TENM3: variants seen among roughly 807,000 people sequenced by gnomAD.
TENM3 encodes the protein teneurin transmembrane protein 3.
Under a neutral mutation model 255.1 loss-of-function variants are expected in TENM3, and 63 were observed. That is an observed-to-expected ratio of 0.25 (90% CI 0.20 to 0.30). TENM3 has a LOEUF of 0.30. TENM3 is among the 10% of genes least tolerant of loss of function. The probability of loss-of-function intolerance (pLI) is 1.00; values close to 1 mark genes in which losing one functional copy is unlikely to be tolerated. For synonymous variants in TENM3, 1,306 were observed against 1,322.3 expected, an observed-to-expected ratio of 0.99 and a Z score of 0.27; for missense variants, 2,929 against 3,461.1, an observed-to-expected ratio of 0.85 and a Z score of 3.86.
the TENM3 span, among the ~76,000 whole-genome samples, chr4:181,567,588 C>G: frequency 3.1e-3 from 465 of 152,258 alleles, 2 homozygotes; most frequent in African/African-American, 0.011. Context: ...GACCTTAGGG[C>G]TAAATAAACA....
chr4:181,852,969 A>T, the TENM3 span, among the ~76,000 whole-genome samples: 3 of 152,238 alleles, frequency 2.0e-5, no homozygotes, highest in Non-Finnish European at 4.4e-5. Flanking sequence ...AGAATAAATA[A>T]TAAAAGCCAG....
chr4:182,390,838 A>T (rs543236642), intron 3 of TENM3, among the ~76,000 whole-genome samples: 1 of 152,096 alleles, frequency 6.6e-6, no homozygotes, highest in Non-Finnish European at 1.5e-5. Flanking sequence ...TGATACTTAC[A>T]TGTCCCACTT....
At chr4:181,501,189 G>T in the TENM3 span, among the ~76,000 whole-genome samples, 1 of 152,124 alleles carries the variant, frequency 6.6e-6, no homozygotes, top group Admixed American at 6.5e-5. Context: ...CCTTGCTGGT[G>T]GTGGCGGGTG....
the TENM3 span, among the ~76,000 whole-genome samples, chr4:182,095,879 AAAAG>A: frequency 2.9e-5 from 4 of 138,574 alleles, no homozygotes; most frequent in Admixed American, 2.1e-4. Flanking sequence ...TAAAAATTAA[AAAAG>A]AAAGAGATCA....
chr4:182,323,223 C>T (rs949065526), intron 1 of TENM3, among the ~76,000 whole-genome samples: 6 of 152,048 alleles, frequency 3.9e-5, no homozygotes, highest in Non-Finnish European at 5.9e-5. Flanking sequence ...GCAGGAAACT[C>T]CCCCCATCAA....
intron 5 of TENM3, among the ~76,000 whole-genome samples, chr4:182,631,134 T>C (rs1191447648): frequency 6.6e-6 from 1 of 152,174 alleles, no homozygotes; most frequent in Non-Finnish European, 1.5e-5. Context: ...TTCCTACTAG[T>C]ACCATGGTCA....
At chr4:182,598,844 A>G (rs1030542303) in intron 3 of TENM3, among the ~76,000 whole-genome samples, 1 of 152,228 alleles carries the variant, frequency 6.6e-6, no homozygotes, top group African/African-American at 2.4e-5. Context: ...GAGGCTTACT[A>G]TCATGATGTC....
At chr4:181,699,469 A>AAAAAAAAAAAAAAAAAAAAG in the TENM3 span, among the ~76,000 whole-genome samples, 1 of 143,814 alleles carries the variant, frequency 7.0e-6, no homozygotes, top group Admixed American at 7.1e-5. Context: ...AAAAAAAAAA[A>AAAAAAAAAAAAAAAAAAAAG]AAAGAAAGAA....
At chr4:182,622,002 G>A (rs1318232953) in intron 4 of TENM3, among the ~76,000 whole-genome samples, 1 of 150,912 alleles carries the variant, frequency 6.6e-6, no homozygotes, top group East Asian at 1.9e-4. Context: ...TCACAAAGAT[G>A]TGATTTTAGA....
chr4:181,551,755 A>C, the TENM3 span, among the ~76,000 whole-genome samples: 4 of 151,560 alleles, frequency 2.6e-5, no homozygotes, highest in African/African-American at 9.7e-5. Flanking sequence ...TTTGAACCAG[A>C]ATTGCTGAGG....
At chr4:182,097,405 G>C in the TENM3 span, among the ~76,000 whole-genome samples, 1 of 151,974 alleles carries the variant, frequency 6.6e-6, no homozygotes, top group Non-Finnish European at 1.5e-5. Flanking sequence ...ATGAATATTA[G>C]TCACAATTAT....
the TENM3 span, among the ~76,000 whole-genome samples, chr4:182,094,250 CTT>C: frequency 1.4e-5 from 2 of 145,906 alleles, no homozygotes. Context: ...TCATTCTTTA[CTT>C]TTTTTTTTTT....
intron 1 of TENM3, among the ~76,000 whole-genome samples, chr4:182,297,168 C>A (rs1335398672): frequency 6.6e-6 from 1 of 152,142 alleles, no homozygotes; most frequent in Non-Finnish European, 1.5e-5. Flanking sequence ...TCTCCCTCTC[C>A]AGGTGGAGAA....
At chr4:181,823,113 G>A in the TENM3 span, among the ~76,000 whole-genome samples, 5 of 152,270 alleles carry the variant, frequency 3.3e-5, no homozygotes, top group African/African-American at 9.6e-5. Context: ...GCATGATAGC[G>A]GCTATCTGCA....
In TENM3 at chr4:182,754,627, A is replaced by G. The variant is rs80043410; in HGVS notation, c.4260A>G (p.Glu1420=). 267 of 1,614,008 alleles carry G rather than the reference A, an allele frequency of 1.7e-4. No individual in the cohort carries two copies. In the African/African-American group the frequency reaches 3.3e-3, roughly 20 times the overall value. The change falls in exon 22 of 28, where the codon GAA becomes GAG. Residue 1420 remains glutamate (E), a synonymous_variant. Transcript: ENST00000511685. The surrounding 1 kb of genome is among the most constrained non-coding windows in gnomAD (Gnocchi z 5.1). ...ACAGTGGGGTCCTGTACATTACTGA[A>G]ACTGATGAGAAGAAAATTAACCGGA... ...VSYSGVLYIT[E]TDEKKINRIR...
chr4:182,273,916 C>T (rs140412163), intron 1 of TENM3, among the ~76,000 whole-genome samples: 108 of 152,266 alleles, frequency 7.1e-4, no homozygotes, highest in Admixed American at 2.5e-3. Context: ...AGTTATCTTT[C>T]GAGGAAGGAT....
chr4:182,321,534 G>A (rs1763052272), intron 1 of TENM3, among the ~76,000 whole-genome samples: 1 of 152,100 alleles, frequency 6.6e-6, no homozygotes, highest in Non-Finnish European at 1.5e-5. Context: ...GTTCAGGCAG[G>A]AGAATTGCTT....
intron 22 of TENM3, among the ~76,000 whole-genome samples, chr4:182,763,020 T>C (rs1236803279): frequency 2.0e-5 from 3 of 152,188 alleles, no homozygotes; most frequent in African/African-American, 7.2e-5. Flanking sequence ...CTAGAAAATA[T>C]TGATGTAAAG....
At chr4:181,581,687 ACTT>A in the TENM3 span, among the ~76,000 whole-genome samples, 2 of 151,698 alleles carry the variant, frequency 1.3e-5, no homozygotes, top group African/African-American at 2.4e-5. Context: ...TGTGCGGTGA[ACTT>A]CTTCCTCCAG....
Sources: gnomAD v4.1 joint callset for allele counts (sites outside exome capture counted in the v4.1 genomes callset) on GRCh38, gnomAD v4.1.1 for gene constraint, Gnocchi (gnomAD v3.1) non-coding constraint, MANE v1.5 for transcripts, NCBI Gene and HGNC (gene_info 2026-07-23, HGNC 2026-07-21) for gene names.